Variants in EPB41 observed in about 807,000 individuals in gnomAD.
The protein encoded by EPB41 is protein 4.1.
EPB41 carries 65 observed loss-of-function variants against 108.0 expected under a neutral mutation model. The observed-to-expected ratio is 0.60, with a 90% confidence interval of 0.49 to 0.74. The LOEUF (loss-of-function observed/expected upper bound fraction) is 0.74, where lower values mean the gene tolerates loss of function less well. Ranked by LOEUF, EPB41 falls within the 30% of genes least tolerant of loss-of-function variation. EPB41 has a pLI of 0.00. For synonymous variants in EPB41, 336 were observed against 358.9 expected (o/e 0.94, Z 0.72); for missense variants, 875 against 1,037.0 (o/e 0.84, Z 2.15).
Position 29,039,182 on chromosome 1 carries a change from G to A in EPB41, c.1464-72G>A, listed in dbSNP as rs551866918. The A allele has an allele frequency of 9.5e-5, 141 of 1,485,786 alleles. 1 individual carries two copies. Among genetic ancestry groups the A allele is most frequent in the Middle Eastern group, 2.4e-4 (1 of 4,164 alleles). 92.0% of individuals were successfully genotyped at this position (1,485,786 alleles called of 1,614,324 possible). A position where few individuals can be genotyped will look rare whatever the true frequency, so the allele number is the denominator to read the frequency against. ...GTGAAACTTTTTTATTCTTGATTTT[G>A]TTTTTAATTTTACAGTTTTAGAATA... On this transcript the variant is annotated intron_variant, in intron 10 of 20. Transcript: ENST00000343067.
At chr1:28,934,666 T>TTGTGTGTGTGTG (rs1204147204) in intron 1 of EPB41, among the ~76,000 whole-genome samples, 2,409 of 136,318 alleles carry the variant, frequency 0.018, 65 homozygotes, top group African/African-American at 0.047. Flanking sequence ...TCTTTTGACA[T>TTGTGTGTGTGTG]TGTGTGTGTG....
rs112889463 is a variant in EPB41, at chr1:28,901,172, G to A, written c.-8+13962G>A. Among the ~76,000 whole-genome samples the A allele has an allele frequency of 8.9e-3, 1,348 of 151,824 alleles. 17 individuals carry two copies. Among genetic ancestry groups the A allele is most frequent in the African/African-American group, 0.031 (1,293 of 41,412 alleles). ...TCTCGATCTGCTGACCTTGTGATCC[G>A]CCCGCCTTGGCCTCCCAAAGTGCTG... On this transcript the variant is annotated intron_variant, in intron 1 of 16. Coordinates refer to the EPB41 transcript ENST00000347529.
chr1:28,900,666 C>T (rs1049196028), intron 1 of EPB41, among the ~76,000 whole-genome samples: 37 of 152,038 alleles, frequency 2.4e-4, no homozygotes, highest in African/African-American at 8.0e-4. Flanking sequence ...TGTTACCTCC[C>T]GGGCTGTCCT....
Position 29,052,964 on chromosome 1 carries a change from T to G in EPB41, c.1637-140T>G, listed in dbSNP as rs113762562. On this transcript the variant is annotated intron_variant, in intron 11 of 20. Transcript: ENST00000343067. ...CTGGCAGAGCACTAATGATTTATTTTTTACCCTCTGTGTGATAGCCCACTA... is the reference window on the plus strand; with the variant it reads ...CTGGCAGAGCACTAATGATTTATTTGTTACCCTCTGTGTGATAGCCCACTA... 1.4e-5 allele frequency: 13 copies of G among 923,546 alleles called. No homozygotes were observed. In the African/African-American group the frequency reaches 2.0e-4, roughly 14 times the overall value. The allele number at this position is 923,546 out of a possible 1,614,324, so 57.2% of individuals were successfully genotyped here.
At chr1:29,057,074 A>G (rs1421049192) in intron 12 of EPB41, among the ~76,000 whole-genome samples, 1 of 152,062 alleles carries the variant, frequency 6.6e-6, no homozygotes. Context: ...CTGGGACTCA[A>G]AGTAGAAATG....
At chr1:29,104,805 G>C in intron 17 of EPB41, among the ~76,000 whole-genome samples, 1 of 152,058 alleles carries the variant, frequency 6.6e-6, no homozygotes, top group East Asian at 1.9e-4. Flanking sequence ...GGTCAGGCTG[G>C]TCTCGAACTC....
intron 5 of EPB41, among the ~76,000 whole-genome samples, chr1:29,012,285 G>A (rs2253958): frequency 0.21 from 31,384 of 152,074 alleles, 3,950 homozygotes; most frequent in East Asian, 0.47. Context: ...GTTTGCTGCC[G>A]TATCCTATTC....
intron 16 of EPB41, among the ~76,000 whole-genome samples, chr1:29,083,665 A>G (rs1162374356): frequency 1.3e-5 from 2 of 152,232 alleles, no homozygotes; most frequent in African/African-American, 4.8e-5. Context: ...TCATCAGGCT[A>G]ATGTGCCTAC....
intron 1 of EPB41, among the ~76,000 whole-genome samples, chr1:28,968,117 G>C (rs980710644): frequency 6.6e-6 from 1 of 152,116 alleles, no homozygotes; most frequent in Admixed American, 6.5e-5. Flanking sequence ...CCAGCACTTT[G>C]GGAGGCTGAG....
intron 7 of EPB41, among the ~76,000 whole-genome samples, chr1:29,019,499 A>C (rs1185844825): frequency 6.6e-6 from 1 of 152,178 alleles, no homozygotes; most frequent in Non-Finnish European, 1.5e-5. Context: ...TTGTTACTTG[A>C]GTGACTTGCT....
At position 29,112,426 on chromosome 1, in the gene EPB41, A is replaced by G. The variant is rs372284952; in HGVS notation, c.2474A>G (p.Asp825Gly). The G allele has an allele frequency of 6.2e-7, 1 of 1,613,970 alleles. No homozygotes were observed. Among genetic ancestry groups the G allele is most frequent in the Admixed American group, 1.7e-5 (1 of 59,998 alleles). Residue 825 changes from aspartate to glycine, a missense_variant, in exon 19 of 21, where the codon GAT becomes GGT. By Grantham distance (94) the Asp-to-Gly change is moderately conservative (BLOSUM62 -1). This residue lies in a region of EPB41 where 519 missense variants were observed against 627.3 expected (regional missense o/e 0.83). Transcript: ENST00000343067. ...GAAAAGAGAATTGTGATCACAGGAG[A>G]TGCTGATATTGACCATGATCAGGTG... ...RIEKRIVITG[D>G]ADIDHDQVLV...
In EPB41 at chr1:29,065,127, A is replaced by G. The variant is rs1382065910; in HGVS notation, c.2153A>G (p.Asn718Ser). The G allele has an allele frequency of 6.2e-7, 1 of 1,610,314 alleles. No homozygotes were observed. Among genetic ancestry groups the G allele is most frequent in the Non-Finnish European group, 8.5e-7 (1 of 1,177,340 alleles). The change falls in exon 16 of 21, where the codon AAC becomes AGC. Residue 718 changes from asparagine (N) to serine (S), a missense_variant. By Grantham distance (46) the Asn-to-Ser change is conservative. Coordinates refer to ENST00000343067, the MANE Select transcript of EPB41 (RefSeq NM_001376013.1). ...LSTHSPFRTL[N>S]INGQIPTGEG... Reference sequence around the variant, plus strand: ...ACTCACTCACCCTTCCGAACTCTTAACATCAATGGGCAAATCCCCACAGGA... The same window carrying G: ...ACTCACTCACCCTTCCGAACTCTTAGCATCAATGGGCAAATCCCCACAGGA...
intron 1 of EPB41, among the ~76,000 whole-genome samples, chr1:28,955,366 G>A (rs770618049): frequency 2.0e-5 from 3 of 150,498 alleles, no homozygotes; most frequent in South Asian, 2.1e-4. Context: ...TTTTTGAGAC[G>A]GAATCTTACT....
intron 1 of EPB41, among the ~76,000 whole-genome samples, chr1:28,948,125 A>G (rs961108611): frequency 6.6e-6 from 1 of 152,076 alleles, no homozygotes; most frequent in Non-Finnish European, 1.5e-5. Context: ...TTGTTTTTTC[A>G]AGAAAAGTTT....
At chr1:28,899,601 A>G (rs1400224216) in intron 1 of EPB41, among the ~76,000 whole-genome samples, 1 of 152,140 alleles carries the variant, frequency 6.6e-6, no homozygotes, top group African/African-American at 2.4e-5. Context: ...ACTTGGAACC[A>G]TCCTCGGGAG....
intron 1 of EPB41, among the ~76,000 whole-genome samples, chr1:28,960,001 CTTTTTTT>C (rs776338332): frequency 1.6e-5 from 2 of 128,250 alleles, no homozygotes; most frequent in South Asian, 5.1e-4. Flanking sequence ...TTTTTCTTTT[CTTTTTTT>C]TTTTTTTTTG....
intron 3 of EPB41, among the ~76,000 whole-genome samples, chr1:28,995,291 C>T (rs1348653439): frequency 6.6e-6 from 1 of 152,034 alleles, no homozygotes; most frequent in Admixed American, 6.6e-5. Context: ...AGGCCGGGCA[C>T]GGTGGCTCAT....
At chr1:28,979,536 C>T (rs988724538) in intron 1 of EPB41, among the ~76,000 whole-genome samples, 2 of 151,434 alleles carry the variant, frequency 1.3e-5, no homozygotes, top group African/African-American at 4.9e-5. Context: ...ACCAAATACA[C>T]TTGTCGATAT....
In EPB41 at chr1:29,033,249, C is replaced by G; in HGVS notation, c.1365+4C>G. 1 of 1,613,678 alleles carries G rather than the reference C, an allele frequency of 6.2e-7. No individual in the cohort carries two copies. The highest frequency in any genetic ancestry group is 1.1e-5 in the South Asian group (1 of 91,078). On this transcript the variant is annotated splice_donor_region_variant and intron_variant, in intron 9 of 20. Coordinates refer to ENST00000343067, the MANE Select transcript of EPB41 (RefSeq NM_001376013.1). ...CATCAAGATTCGGCCTGGAGAGGTA[C>G]AGAATTTATATTTCCTTCCTCCCAA...
Sources: gnomAD v4.1 joint callset for allele counts (sites outside exome capture counted in the v4.1 genomes callset) on GRCh38, gnomAD v4.1.1 for gene constraint, gnomAD v4.1.1 regional missense constraint, MANE v1.5 for transcripts, NCBI Gene and HGNC (gene_info 2026-07-23, HGNC 2026-07-21) for gene names.